The following TPTE2 variants were observed in gnomAD, a reference collection of about 807,000 sequenced individuals.
The protein encoded by TPTE2 is phosphatidylinositol 3,4,5-trisphosphate 3-phosphatase TPTE2.
Under a neutral mutation model 78.6 loss-of-function variants are expected in TPTE2, and 53 were observed. The observed-to-expected ratio is 0.67, with a 90% CI of 0.54 to 0.85. The LOEUF is 0.85. Among genes scored for constraint, TPTE2 ranks in the 40% least tolerant of loss-of-function variants. TPTE2 has a pLI of 0.00. For missense variants in TPTE2, 461 were observed against 623.0 expected (o/e 0.74, Z 2.77); for synonymous variants, 175 against 206.2 (o/e 0.85, Z 1.30).
chr13:19,527,749 T>C (rs1331914757), intron 1 of TPTE2, among the ~76,000 whole-genome samples: 1 of 152,090 alleles, frequency 6.6e-6, no homozygotes, highest in South Asian at 2.1e-4. Context: ...ACCCCTGTGG[T>C]CCCAGCTACT....
At chr13:19,493,887 T>C (rs1881155821) in intron 1 of TPTE2, among the ~76,000 whole-genome samples, 1 of 152,174 alleles carries the variant, frequency 6.6e-6, no homozygotes. Flanking sequence ...TCACCCAGCA[T>C]GGTGGTTTCT....
chr13:19,525,466 A>T (rs576542669), intron 1 of TPTE2, among the ~76,000 whole-genome samples: 1 of 152,338 alleles, frequency 6.6e-6, no homozygotes, highest in East Asian at 1.9e-4. Flanking sequence ...CTACTCAACA[A>T]ATGGTGCTGG....
chr13:19,460,534 G>A (rs910508592), intron 10 of TPTE2, among the ~76,000 whole-genome samples: 22 of 152,020 alleles, frequency 1.4e-4, no homozygotes, highest in Non-Finnish European at 2.4e-4. Flanking sequence ...TTCTTTTTTA[G>A]CCCTAGTTCT....
chr13:19,487,523 G>T (rs1880733690), intron 3 of TPTE2, among the ~76,000 whole-genome samples: 1 of 152,104 alleles, frequency 6.6e-6, no homozygotes, highest in East Asian at 1.9e-4. Flanking sequence ...CAGTGGTTTG[G>T]CTGTCTTAAG....
At chr13:19,478,129 G>T (rs946710327) in intron 4 of TPTE2, among the ~76,000 whole-genome samples, 11 of 152,124 alleles carry the variant, frequency 7.2e-5, no homozygotes, top group Non-Finnish European at 1.6e-4. Context: ...GTGAACAAAA[G>T]CAATGGCAAC....
upstream of TPTE2, among the ~76,000 whole-genome samples, chr13:19,540,121 G>A (rs183584589): frequency 9.2e-3 from 1,403 of 152,138 alleles, 12 homozygotes; most frequent in Middle Eastern, 0.037. Context: ...TACAGCCTGA[G>A]CAGCAAGAGC....
At chr13:19,529,192 G>A (rs1870711682) in intron 1 of TPTE2, among the ~76,000 whole-genome samples, 1 of 152,148 alleles carries the variant, frequency 6.6e-6, no homozygotes, top group African/African-American at 2.4e-5. Flanking sequence ...GGCTCATTTA[G>A]GCTCTGTCTT....
At chr13:19,526,866 T>A (rs2497197) in intron 1 of TPTE2, among the ~76,000 whole-genome samples, 32,280 of 152,026 alleles carry the variant, frequency 0.21, 4,571 homozygotes, top group African/African-American at 0.4. Context: ...TATTGATGTA[T>A]AGGTAATCTC....
the TPTE2 span, among the ~76,000 whole-genome samples, chr13:19,546,745 C>CACA: frequency 6.6e-6 from 1 of 151,872 alleles, no homozygotes; most frequent in African/African-American, 2.4e-5. Context: ...CCGCCTCAGC[C>CACA]TCCAAAAGTG....
chr13:19,424,436 AG>A (rs1373123406), intron 19 of TPTE2, among the ~76,000 whole-genome samples: 1 of 152,234 alleles, frequency 6.6e-6, no homozygotes, highest in East Asian at 1.9e-4. Flanking sequence ...CTATTTAAAT[AG>A]ACTATTACTT....
intron 13 of TPTE2, among the ~76,000 whole-genome samples, chr13:19,447,617 C>T (rs1877922325): frequency 6.6e-6 from 1 of 151,966 alleles, no homozygotes. Context: ...AAGACTAAAA[C>T]TTGATTTTAC....
chr13:19,528,372 A>G (rs1404887977), intron 1 of TPTE2, among the ~76,000 whole-genome samples: 1 of 150,594 alleles, frequency 6.6e-6, no homozygotes, highest in Non-Finnish European at 1.5e-5. Flanking sequence ...AGGCAACAAG[A>G]GCGAAACTCC....
At chr13:19,488,651 G>A (rs189268502) in intron 3 of TPTE2, among the ~76,000 whole-genome samples, 58 of 152,254 alleles carry the variant, frequency 3.8e-4, no homozygotes, top group African/African-American at 1.3e-3. Context: ...TCATTGAATC[G>A]AAGAGAGTGA....
chr13:19,443,729 G>A (rs1877636231), intron 13 of TPTE2, among the ~76,000 whole-genome samples: 1 of 132,620 alleles, frequency 7.5e-6, no homozygotes, highest in South Asian at 2.6e-4. Context: ...TCGATAAATG[G>A]TAGCTAATAC....
chr13:19,456,849 C>A (rs1459013433), intron 10 of TPTE2, among the ~76,000 whole-genome samples: 1 of 151,784 alleles, frequency 6.6e-6, no homozygotes, highest in East Asian at 1.9e-4. Flanking sequence ...TATGGAAATT[C>A]AAAAAATCTA....
At chr13:19,433,296 G>C (rs1434206381) in intron 15 of TPTE2, among the ~76,000 whole-genome samples, 1 of 152,134 alleles carries the variant, frequency 6.6e-6, no homozygotes, top group Non-Finnish European at 1.5e-5. Flanking sequence ...TGGGCGTCAG[G>C]AGTTTGAGAC....
chr13:19,431,324 C>CA (rs898762393), intron 16 of TPTE2, among the ~76,000 whole-genome samples: 2 of 151,894 alleles, frequency 1.3e-5, no homozygotes, highest in Non-Finnish European at 2.9e-5. Flanking sequence ...TAGTTATATC[C>CA]AAAAATTCCT....
At chr13:19,445,277 G>GA (rs1261891760) in intron 13 of TPTE2, among the ~76,000 whole-genome samples, 1 of 151,972 alleles carries the variant, frequency 6.6e-6, no homozygotes, top group African/African-American at 2.4e-5. Context: ...TAATCCAGGA[G>GA]AAAAATGGTT....
At chr13:19,514,592 A>AGTGTGTGTATGTGTGTGT (rs1869668872) in intron 1 of TPTE2, among the ~76,000 whole-genome samples, 2 of 126,710 alleles carry the variant, frequency 1.6e-5, no homozygotes, top group Non-Finnish European at 3.4e-5. Flanking sequence ...TACTTCTGAG[A>AGTGTGTGTATGTGTGTGT]GTGTGTGTGT....
Sources: gnomAD v4.1 joint callset for allele counts (sites outside exome capture counted in the v4.1 genomes callset) on GRCh38, gnomAD v4.1.1 for gene constraint, MANE v1.5 for transcripts, NCBI Gene and HGNC (gene_info 2026-07-23, HGNC 2026-07-21) for gene names.